Variants in CEP170 observed in about 807,000 individuals in gnomAD.
CEP170 encodes the protein centrosomal protein 170.
In CEP170, 21 loss-of-function variants were observed where a neutral mutation model predicts 151.9. That is an observed-to-expected ratio of 0.14 (90% CI 0.10 to 0.20). The LOEUF is 0.20. Ranked by LOEUF, CEP170 falls within the 10% of genes least tolerant of loss-of-function variation. CEP170 has a pLI of 1.00. For synonymous variants in CEP170, 356 were observed against 648.8 expected (o/e 0.55, Z 6.86); for missense variants, 964 against 1,892.9 (o/e 0.51, Z 9.11).
chr1:243,199,892 G>A (rs1048345408), intron 6 of CEP170, among the ~76,000 whole-genome samples: 2 of 151,768 alleles, frequency 1.3e-5, no homozygotes, highest in Non-Finnish European at 2.9e-5. Context: ...CGTTTTCGTT[G>A]TTATGCTGCA....
chr1:243,219,657 C>G (rs904494595), intron 3 of CEP170, among the ~76,000 whole-genome samples: 1 of 152,148 alleles, frequency 6.6e-6, no homozygotes, highest in Admixed American at 6.5e-5. Context: ...TAAAGACATA[C>G]AGACTACCAC....
Position 243,234,914 on chromosome 1 carries a change from T to C in CEP170, c.-41-9593A>G, listed in dbSNP as rs147880845. On this transcript the variant is annotated intron_variant, in intron 1 of 19. Transcript: ENST00000366542. ...ACTACTTAATATGAATCAGGCACTG[T>C]TCTAAGAATTTCACATATAGGTGTG... Among the ~76,000 whole-genome samples the C allele has an allele frequency of 2.6e-3, 390 of 152,350 alleles. 3 individuals carry two copies. The highest frequency in any genetic ancestry group is 8.9e-3 in the African/African-American group (369 of 41,586).
chr1:243,211,865 C>G, intron 4 of CEP170, 21 bp downstream of exon 4: 1 of 1,599,890 alleles, frequency 6.3e-7, no homozygotes, highest in South Asian at 1.1e-5. Flanking sequence ...TTAATAAGTA[C>G]ATAAAACCAT....
rs2062814055 is a variant in CEP170, at chr1:243,221,487, G to A, written c.195+237C>T. On this transcript the variant is annotated intron_variant, in intron 3 of 19. Coordinates refer to ENST00000366542, the MANE Select transcript of CEP170 (RefSeq NM_014812.3). ...CAACTCCTTAAAGAAGTCTTCTTTA[G>A]CCATCACAGACAATGACAACCACCT... 8 of 468,178 alleles carry A rather than the reference G, an allele frequency of 1.7e-5. No individual in the cohort carries two copies. The South Asian group carries it at 3.0e-4, about 17-fold the overall frequency. 29.0% of individuals were successfully genotyped at this position (468,178 alleles called of 1,614,324 possible). A position where few individuals can be genotyped will look rare whatever the true frequency, so the allele number is the denominator to read the frequency against.
At chr1:243,152,521 ATTTTTT>A (rs371392454) in intron 14 of CEP170, among the ~76,000 whole-genome samples, 42 of 54,956 alleles carry the variant, frequency 7.6e-4, no homozygotes, top group African/African-American at 2.3e-3. Context: ...GCGCCCAGCC[ATTTTTT>A]TTTTTTTTTT....
In CEP170 at chr1:243,195,808, ATT is replaced by A. The variant is rs200972198; in HGVS notation, c.631+3250_631+3251del. On this transcript the variant is annotated intron_variant, in intron 7 of 19. Transcript: ENST00000366542. ...ATAAATTATTACAAGACAGTAAACT[ATT>A]TTCCTCATCCTATATTTTAAAAAGC... Among the ~76,000 whole-genome samples, 566 of 152,182 alleles carry A rather than the reference ATT, an allele frequency of 3.7e-3. 4 individuals are homozygous for A. The highest frequency in any genetic ancestry group is 0.012 in the African/African-American group (503 of 41,558).
chr1:243,164,650 G>C lies in CEP170; in HGVS notation c.3310C>G (p.Arg1104Gly). 1.9e-6 allele frequency: 3 copies of C among 1,613,806 alleles called. No individual in the cohort carries two copies. The highest frequency in any genetic ancestry group is 2.5e-6 in the Non-Finnish European group (3 of 1,179,730). The change falls in exon 13 of 20, where the codon CGC (arginine) becomes GGC (glycine). Residue 1104 changes from arginine (R) to glycine (G), a missense_variant. Transcript: ENST00000366542. ...GAAGCTTCACCAAGTCGTGCTCTGC[G>C]CAAGAGGGAAGTCCTGGTAGGTCGT... is the stretch of plus-strand genomic sequence containing the variant. ...RPRPTRTSLL[R>G]RARLGEASDS...
intron 1 of CEP170, among the ~76,000 whole-genome samples, chr1:243,232,442 C>T (rs1261577156): frequency 6.6e-6 from 1 of 152,140 alleles, no homozygotes; most frequent in African/African-American, 2.4e-5. Context: ...TCCCATTCCC[C>T]CAGGGCAGAG....
intron 1 of CEP170, among the ~76,000 whole-genome samples, chr1:243,243,463 T>TA (rs1428355983): frequency 2.6e-5 from 4 of 152,060 alleles, no homozygotes; most frequent in Non-Finnish European, 4.4e-5. Flanking sequence ...CTCTTTAGCT[T>TA]AAAAAACAAA....
intron 17 of CEP170, among the ~76,000 whole-genome samples, chr1:243,133,387 T>C (rs2054645823): frequency 6.6e-6 from 1 of 152,288 alleles, no homozygotes; most frequent in Admixed American, 6.5e-5. Context: ...CCATATAAGA[T>C]GATCTTAACC....
At chr1:243,146,031 A>G (rs1409486670) in intron 14 of CEP170, among the ~76,000 whole-genome samples, 1 of 152,230 alleles carries the variant, frequency 6.6e-6, no homozygotes, top group Non-Finnish European at 1.5e-5. Context: ...ATATAAGGAA[A>G]AAAAAGTCTA....
chr1:243,221,315 G>A (rs1043916038), intron 3 of CEP170, among the ~76,000 whole-genome samples: 6 of 152,166 alleles, frequency 3.9e-5, no homozygotes, highest in African/African-American at 7.2e-5. Flanking sequence ...GAGCCACCGC[G>A]CCCGGCCCCA....
chr1:243,235,374 T>A (rs1325456266), intron 1 of CEP170, among the ~76,000 whole-genome samples: 1 of 152,174 alleles, frequency 6.6e-6, no homozygotes, highest in Non-Finnish European at 1.5e-5. Context: ...TGAAATATAC[T>A]CTTGGAAAAA....
chr1:243,207,220 G>T (rs911475552), intron 4 of CEP170, among the ~76,000 whole-genome samples: 5 of 152,102 alleles, frequency 3.3e-5, no homozygotes, highest in African/African-American at 1.2e-4. Flanking sequence ...AATATAAGTA[G>T]ACAACAGAAA....
chr1:243,223,648 A>G (rs2062998772), intron 2 of CEP170, among the ~76,000 whole-genome samples: 2 of 152,336 alleles, frequency 1.3e-5, no homozygotes, highest in South Asian at 4.1e-4. Context: ...GAGTCCACTG[A>G]GTCGAGTGAG....
At chr1:243,226,198 G>GAT (rs1226236848) in intron 1 of CEP170, among the ~76,000 whole-genome samples, 5 of 2,438 alleles carry the variant, frequency 2.1e-3, no homozygotes, top group African/African-American at 3.4e-3. Context: ...TATATATCTA[G>GAT]ATATATATAT....
rs557592515 is a variant in CEP170 at position 243,158,428 on chromosome 1, C to G, written c.3677-1973G>C. On this transcript the variant is annotated intron_variant, in intron 13 of 19. Coordinates refer to ENST00000366542, the MANE Select transcript of CEP170 (RefSeq NM_014812.3). ...ACAAAGAGCTTTAATAACTGCAGAACATATGAAAACGTAAGTATGATAAAA... is the reference window on the plus strand; with the variant it reads ...ACAAAGAGCTTTAATAACTGCAGAAGATATGAAAACGTAAGTATGATAAAA... 3.3e-5 allele frequency among the ~76,000 whole-genome samples: 5 copies of G among 152,200 alleles called. No individual in the cohort carries two copies. The East Asian group carries it at 9.7e-4, about 29-fold the overall frequency.
At chr1:243,228,396 TG>T (rs1417320095) in intron 1 of CEP170, among the ~76,000 whole-genome samples, 2 of 152,238 alleles carry the variant, frequency 1.3e-5, no homozygotes, top group Non-Finnish European at 2.9e-5. Context: ...ATGCAGATGT[TG>T]TTGGTCTTCC....
chr1:243,238,678 T>C (rs1403733472), intron 1 of CEP170, among the ~76,000 whole-genome samples: 1 of 152,200 alleles, frequency 6.6e-6, no homozygotes, highest in Non-Finnish European at 1.5e-5. Flanking sequence ...TATATATACA[T>C]GTATTAAAGA....
Sources: gnomAD v4.1 joint callset for allele counts (sites outside exome capture counted in the v4.1 genomes callset) on GRCh38, gnomAD v4.1.1 for gene constraint, MANE v1.5 for transcripts, NCBI Gene and HGNC (gene_info 2026-07-23, HGNC 2026-07-21) for gene names.